The following ZNRD2 variants were observed in gnomAD, a reference collection of about 807,000 sequenced individuals.
ZNRD2 encodes zinc ribbon domain containing 2.
A neutral mutation model predicts 22.0 loss-of-function variants in ZNRD2; 16 were observed. That is an observed-to-expected ratio of 0.73 (90% CI 0.49 to 1.11). ZNRD2 has a LOEUF of 1.11. Ranked by LOEUF, ZNRD2 falls within the 50% of genes least tolerant of loss-of-function variation. The pLI is 0.00. For missense variants in ZNRD2, 269 were observed against 258.9 expected (o/e 1.04, Z -0.27); for synonymous variants, 105 against 109.8 (o/e 0.96, Z 0.27).
In ZNRD2 at chr11:65,570,898, C is replaced by G. The variant is rs777977554; in HGVS notation, c.184C>G (p.Gln62Glu). ...TTTTGGTCCGTAGACGATCCTCCTC[C>G]AAGACAAACAGCGGAAAATCTACTG... ...TCADCGTILL[Q>E]DKQRKIYCVA... Residue 62 changes from glutamine (Q) to glutamate (E), a missense_variant, in exon 3 of 4, where the codon CAA becomes GAA. Physicochemically the swap from Gln to Glu is conservative, Grantham distance 29 (BLOSUM62 2). Transcript: ENST00000309328. 1.2e-6 allele frequency: 2 copies of G among 1,614,148 alleles called. No homozygotes were observed. Among genetic ancestry groups the G allele is most frequent in the East Asian group, 2.2e-5 (1 of 44,884 alleles).
At position 65,571,587 on chromosome 11, in the gene ZNRD2, C is replaced by T; in HGVS notation, c.453C>T (p.Ala151=). Residue 151 remains alanine (A), a synonymous_variant, in exon 4 of 4, where the codon GCC becomes GCT. Transcript: ENST00000309328. ...PAVPPNTDVM[A]CTQTALLQKL... is the part of the protein sequence containing the mutation. The stretch of plus-strand genomic sequence containing the variant: ...TGCCTCCAAATACAGATGTCATGGC[C>T]TGCACACAGACAGCCCTCTTGCAGA... 5.0e-6 allele frequency: 8 copies of T among 1,614,100 alleles called. No individual in the cohort carries two copies. The highest frequency in any genetic ancestry group is 6.8e-6 in the Non-Finnish European group (8 of 1,180,046).
rs901260520 is a variant in ZNRD2 at position 65,570,518 on chromosome 11, C to A, written c.19+8C>A. 2 of 1,613,804 alleles carry A rather than the reference C, an allele frequency of 1.2e-6. No homozygotes were observed. The highest frequency in any genetic ancestry group is 1.1e-5 in the South Asian group (1 of 91,084). On this transcript the variant is annotated splice_region_variant and intron_variant, in intron 1 of 3. Transcript: ENST00000309328. ...TGGCCCTGAACGGAGCTGGTGAGGA[C>A]CTGGGCGGCAGGGGTTTGTGGCTGT...
At chr11:65,571,054 A>G in intron 3 of ZNRD2, 84 bp downstream of exon 3, 1 of 1,293,812 alleles carries the variant, frequency 7.7e-7, no homozygotes, top group Non-Finnish European at 1.1e-6. Context: ...GCCCGAGAAC[A>G]GTAGGGCTGA....
chr11:65,571,482 G>A lies in ZNRD2; in HGVS notation c.348G>A (p.Gln116=). The part of the protein sequence containing the change: ...ELPLGSRPAP[Q]PPVPRPEHCE... ...CCCTGGGCTCTCGACCTGCGCCCCA[G>A]CCCCCAGTACCTCGTCCGGAGCACT... The change falls in exon 4 of 4, where the codon CAG becomes CAA. Residue 116 remains glutamine (Q), a synonymous_variant. Coordinates refer to ENST00000309328, the MANE Select transcript of ZNRD2 (RefSeq NM_006396.3). The A allele has an allele frequency of 6.2e-7, 1 of 1,613,730 alleles. No individual in the cohort carries two copies. The highest frequency in any genetic ancestry group is 8.5e-7 in the Non-Finnish European group (1 of 1,180,016).
rs772424037 is a variant in ZNRD2, at chr11:65,571,693, T to C, written c.559T>C (p.Cys187Arg). The change falls in exon 4 of 4, where the codon TGT becomes CGT. Residue 187 changes from cysteine (C) to arginine (R), a missense_variant. Cys to Arg is a radical substitution (Grantham distance 180). Coordinates refer to ENST00000309328, the MANE Select transcript of ZNRD2 (RefSeq NM_006396.3). ...SIQLCGLIRA[C>R]AEALRSLQQL... ...CCAGCTGTGTGGCCTTATCCGCGCA[T>C]GTGCGGAGGCCCTGCGCAGCCTGCA... 15 of 1,613,642 alleles carry C rather than the reference T, an allele frequency of 9.3e-6. No individual in the cohort carries two copies. The highest frequency in any genetic ancestry group is 1.3e-5 in the Non-Finnish European group (15 of 1,179,886).
At position 65,570,519 on chromosome 11, in the gene ZNRD2, C is replaced by T. The variant is rs764782390; in HGVS notation, c.19+9C>T. On this transcript the variant is annotated intron_variant, in intron 1 of 3. Coordinates refer to ENST00000309328, the MANE Select transcript of ZNRD2 (RefSeq NM_006396.3). ...GGCCCTGAACGGAGCTGGTGAGGACCTGGGCGGCAGGGGTTTGTGGCTGTG... is the reference window on the plus strand; with the variant it reads ...GGCCCTGAACGGAGCTGGTGAGGACTTGGGCGGCAGGGGTTTGTGGCTGTG... The T allele has an allele frequency of 3.1e-6, 5 of 1,613,956 alleles. 1 individual carries two copies. The South Asian group carries it at 3.3e-5, about 11-fold the overall frequency.
rs746225072 is a variant in ZNRD2 at position 65,571,399 on chromosome 11, G to A, written c.265G>A (p.Ala89Thr). 1.8e-5 allele frequency: 28 copies of A among 1,591,170 alleles called. No homozygotes were observed. Among genetic ancestry groups the A allele is most frequent in the Non-Finnish European group, 2.4e-5 (28 of 1,166,272 alleles). Residue 89 changes from alanine to threonine, a missense_variant, in exon 4 of 4, where the codon GCC becomes ACC. Physicochemically the swap from Ala to Thr is moderately conservative, Grantham distance 58. Transcript: ENST00000309328. ...CTTTCTCCTCTTTTTAGCTCTGAAT[G>A]CCCAGGCTGCCCTCTCCCAAGCTCG... ...DVDKDNPALN[A>T]QAALSQAREH...
intron 3 of ZNRD2, 115 bp from the exon 4 acceptor site, chr11:65,571,276 A>C: frequency 7.5e-7 from 1 of 1,336,530 alleles, no homozygotes; most frequent in Non-Finnish European, 1.0e-6. Context: ...GTTGCCTTAT[A>C]GAGGGACAGG....
Position 65,570,484 on chromosome 11 carries a change from A to G in ZNRD2, c.-8A>G, listed in dbSNP as rs368981348. The G allele has an allele frequency of 7.2e-5, 116 of 1,613,264 alleles. No individual in the cohort carries two copies. Among genetic ancestry groups the G allele is most frequent in the Non-Finnish European group, 9.6e-5 (113 of 1,179,924 alleles). Reference sequence around the variant, plus strand: ...ACTTCCTGTGAGCCCGGCGGTGACAACGGCAACATGGCCCTGAACGGAGCT... The same window carrying G: ...ACTTCCTGTGAGCCCGGCGGTGACAGCGGCAACATGGCCCTGAACGGAGCT... On this transcript the variant is annotated 5_prime_UTR_variant, in exon 1 of 4. Coordinates refer to ENST00000309328, the MANE Select transcript of ZNRD2 (RefSeq NM_006396.3).
rs775253663 is a variant in ZNRD2, at chr11:65,570,693, C to T, written c.109C>T (p.Leu37Phe). The T allele has an allele frequency of 4.3e-6, 7 of 1,613,752 alleles. No individual in the cohort carries two copies. The African/African-American group carries it at 8.0e-5, about 18-fold the overall frequency. The change falls in exon 2 of 4, where the codon CTC becomes TTC. Residue 37 changes from leucine (L) to phenylalanine (F), a missense_variant. By Grantham distance (22) the Leu-to-Phe change is conservative (BLOSUM62 0). Coordinates refer to ENST00000309328, the MANE Select transcript of ZNRD2 (RefSeq NM_006396.3). ...GGAGCGGCAAGATCGCATCTCCCGG[C>T]TCATGGGCGACTATCTGCTGCGCGG... is the stretch of plus-strand genomic sequence containing the variant. ...RRERQDRISRLMGDYLLRGYR... is the reference protein window; with the variant it reads ...RRERQDRISRFMGDYLLRGYR...
chr11:65,571,714 C>G lies in ZNRD2; in HGVS notation c.580C>G (p.Leu194Val). 1 of 1,610,660 alleles carries G rather than the reference C, an allele frequency of 6.2e-7. No homozygotes were observed. The highest frequency in any genetic ancestry group is 1.1e-5 in the South Asian group (1 of 90,844). ...IRACAEALRS[L>V]QQLQH ...CGCATGTGCGGAGGCCCTGCGCAGC[C>G]TGCAGCAGCTACAGCACTAAGAGAA... The change falls in exon 4 of 4, where the codon CTG becomes GTG. Residue 194 changes from leucine (L) to valine (V), a missense_variant. Transcript: ENST00000309328.
At position 65,571,862 on chromosome 11, in the gene ZNRD2, C is replaced by T. The variant is rs1857137027; in HGVS notation, c.*128C>T. On this transcript the variant is annotated 3_prime_UTR_variant, in exon 4 of 4. Transcript: ENST00000309328. ...CTTTTTCCAGCTTTTGGCCTCTTCA[C>T]CTCTCCACTCTGCTCTCCTTGACGC... The T allele has an allele frequency of 7.5e-7, 1 of 1,341,754 alleles. No individual in the cohort carries two copies. The highest frequency in any genetic ancestry group is 1.5e-5 in the South Asian group (1 of 65,096). 83.1% of individuals were successfully genotyped at this position (1,341,754 alleles called of 1,614,324 possible). A position where few individuals can be genotyped will look rare whatever the true frequency, so the allele number is the denominator to read the frequency against.
In ZNRD2 at chr11:65,571,872, C is replaced by G. The variant is rs1335795448; in HGVS notation, c.*138C>G. On this transcript the variant is annotated 3_prime_UTR_variant, in exon 4 of 4. Coordinates refer to ENST00000309328, the MANE Select transcript of ZNRD2 (RefSeq NM_006396.3). ...CTTTTGGCCTCTTCACCTCTCCACT[C>G]TGCTCTCCTTGACGCCCTGAGATGA... The G allele has an allele frequency of 2.3e-6, 3 of 1,293,230 alleles. No individual in the cohort carries two copies. The African/African-American group carries it at 4.5e-5, about 19-fold the overall frequency. 80.1% of individuals were successfully genotyped at this position (1,293,230 alleles called of 1,614,324 possible).
rs768757797 is a variant in ZNRD2 at position 65,570,503 on chromosome 11, C to G, written c.12C>G (p.Asn4Lys). The change falls in exon 1 of 4, where the codon AAC becomes AAG. Residue 4 changes from asparagine to lysine, a missense_variant. Transcript: ENST00000309328. ...GTGACAACGGCAACATGGCCCTGAA[C>G]GGAGCTGGTGAGGACCTGGGCGGCA... Reference protein sequence around the residue: MALNGAEVDDFSWE... With the variant: MALKGAEVDDFSWE... 2 of 1,613,830 alleles carry G rather than the reference C, an allele frequency of 1.2e-6. No homozygotes were observed. Among genetic ancestry groups the G allele is most frequent in the East Asian group, 2.2e-5 (1 of 44,876 alleles).
chr11:65,571,865 C>T lies in ZNRD2; in HGVS notation c.*131C>T. ...TTTCCAGCTTTTGGCCTCTTCACCT[C>T]TCCACTCTGCTCTCCTTGACGCCCT... On this transcript the variant is annotated 3_prime_UTR_variant, in exon 4 of 4. Transcript: ENST00000309328. 1 of 1,314,242 alleles carries T rather than the reference C, an allele frequency of 7.6e-7. No individual in the cohort carries two copies. The highest frequency in any genetic ancestry group is 2.5e-5 in the East Asian group (1 of 39,500). 81.4% of individuals were successfully genotyped at this position (1,314,242 alleles called of 1,614,324 possible).
chr11:65,571,287 G>A, intron 3 of ZNRD2, 104 bp from the exon 4 acceptor site: 1 of 1,422,970 alleles, frequency 7.0e-7, no homozygotes. Flanking sequence ...GAGGGACAGG[G>A]AAAACACCTC....
rs755848421 is a variant in ZNRD2, at chr11:65,571,618, A to T, written c.484A>T (p.Thr162Ser). The change falls in exon 4 of 4, where the codon ACC (threonine) becomes TCC (serine). Residue 162 changes from threonine to serine, a missense_variant. Coordinates refer to ENST00000309328, the MANE Select transcript of ZNRD2 (RefSeq NM_006396.3). ...CTQTALLQKL[T>S]WASAELGSST... The stretch of plus-strand genomic sequence containing the variant: ...ACAGACAGCCCTCTTGCAGAAGCTG[A>T]CCTGGGCCTCTGCTGAACTGGGCTC... The T allele has an allele frequency of 2.5e-5, 40 of 1,613,982 alleles. No homozygotes were observed. The highest frequency in any genetic ancestry group is 1.6e-4 in the Middle Eastern group (1 of 6,084).
At chr11:65,571,045 C>A in intron 3 of ZNRD2, 75 bp downstream of exon 3, 1 of 1,398,280 alleles carries the variant, frequency 7.2e-7, no homozygotes, top group Non-Finnish European at 1.0e-6. Context: ...GTGATAGAGG[C>A]CCGAGAACAG....
rs13206 is a variant in ZNRD2, at chr11:65,571,628, C to G, written c.494C>G (p.Ser165Cys). 1 of 1,614,146 alleles carries G rather than the reference C, an allele frequency of 6.2e-7. No individual in the cohort carries two copies. The highest frequency in any genetic ancestry group is 8.5e-7 in the Non-Finnish European group (1 of 1,180,050). ...CTCTTGCAGAAGCTGACCTGGGCCTCTGCTGAACTGGGCTCTAGCACCTCC... is the reference window on the plus strand; with the variant it reads ...CTCTTGCAGAAGCTGACCTGGGCCTGTGCTGAACTGGGCTCTAGCACCTCC... ...TALLQKLTWA[S>C]AELGSSTSLE... The change falls in exon 4 of 4, where the codon TCT becomes TGT. Residue 165 changes from serine to cysteine, a missense_variant. By Grantham distance (112) the Ser-to-Cys change is moderately radical. Transcript: ENST00000309328.
Sources: allele counts gnomAD v4.1 joint callset, GRCh38; gene constraint gnomAD v4.1.1; transcripts MANE v1.5; gene names NCBI Gene and HGNC (gene_info 2026-07-23, HGNC 2026-07-21).